ZNF609: variants seen among roughly 807,000 people sequenced by gnomAD.
ZNF609 encodes zinc finger protein 609.
Under a neutral mutation model 109.5 loss-of-function variants are expected in ZNF609, and 11 were observed. The observed-to-expected ratio is 0.10, with a 90% CI of 0.06 to 0.17. ZNF609 has a LOEUF of 0.17. ZNF609 is among the 10% of genes least tolerant of loss of function. The pLI is 1.00. For missense variants in ZNF609, 1,559 were observed against 1,772.4 expected, an observed-to-expected ratio of 0.88 and a Z score of 2.16; for synonymous variants, 646 against 662.0, an observed-to-expected ratio of 0.98 and a Z score of 0.37.
chr15:64,608,580 A>G (rs1895650898), intron 2 of ZNF609, among the ~76,000 whole-genome samples: 1 of 152,140 alleles, frequency 6.6e-6, no homozygotes, highest in African/African-American at 2.4e-5. Context: ...CATCACCAAA[A>G]AGATCTCTTG....
At chr15:64,648,381 A>G (rs966571393) in intron 3 of ZNF609, among the ~76,000 whole-genome samples, 33 of 152,140 alleles carry the variant, frequency 2.2e-4, no homozygotes, top group Admixed American at 9.2e-4. Context: ...AGTCCCAGCT[A>G]TTTGGGAGGC....
chr15:64,624,642 T>A (rs1195538855), intron 3 of ZNF609, among the ~76,000 whole-genome samples: 1 of 152,078 alleles, frequency 6.6e-6, no homozygotes. Flanking sequence ...GATCCCTTCC[T>A]GCCAGGGCAA....
chr15:64,561,570 T>TTTTTTA (rs1567014878), intron 2 of ZNF609, among the ~76,000 whole-genome samples: 2 of 148,242 alleles, frequency 1.3e-5, no homozygotes, highest in African/African-American at 5.0e-5. Context: ...TTTTTTTTTT[T>TTTTTTA]AAATGATTTA....
chr15:64,508,902 C>G (rs1162096143), intron 2 of ZNF609, among the ~76,000 whole-genome samples: 2 of 151,972 alleles, frequency 1.3e-5, no homozygotes, highest in African/African-American at 2.4e-5. Context: ...CTATGTTGTT[C>G]AGGCTAGTCT....
At chr15:64,655,786 G>A (rs1896480246) in intron 3 of ZNF609, among the ~76,000 whole-genome samples, 1 of 152,126 alleles carries the variant, frequency 6.6e-6, no homozygotes, top group African/African-American at 2.4e-5. Context: ...CTGAGATCAC[G>A]CCGTTGCACT....
intron 2 of ZNF609, among the ~76,000 whole-genome samples, chr15:64,566,970 A>T (rs1894786463): frequency 6.6e-6 from 1 of 152,194 alleles, no homozygotes; most frequent in Non-Finnish European, 1.5e-5. Context: ...CCTTTGTGAT[A>T]AGCATTGGGA....
intron 1 of ZNF609, among the ~76,000 whole-genome samples, chr15:64,498,357 G>T (rs1009446094): frequency 6.6e-6 from 1 of 152,014 alleles, no homozygotes; most frequent in Non-Finnish European, 1.5e-5. Flanking sequence ...GCCATAAATT[G>T]CACTTTTAAT....
At chr15:64,472,735 T>G (rs530381407) in intron 1 of ZNF609, among the ~76,000 whole-genome samples, 158 of 152,230 alleles carry the variant, frequency 1.0e-3, no homozygotes, top group African/African-American at 3.6e-3. Flanking sequence ...CACACTCCTG[T>G]AGTTCCAGCT....
chr15:64,475,850 G>A (rs570463635), intron 1 of ZNF609, among the ~76,000 whole-genome samples: 1 of 152,044 alleles, frequency 6.6e-6, no homozygotes, highest in Admixed American at 6.6e-5. Context: ...AATTGAATTA[G>A]AACTTGATTC....
At chr15:64,587,262 C>T (rs1040012995) in intron 2 of ZNF609, among the ~76,000 whole-genome samples, 1 of 152,102 alleles carries the variant, frequency 6.6e-6, no homozygotes, top group Non-Finnish European at 1.5e-5. Flanking sequence ...ATCTCAGTGT[C>T]GAAAGAGGTC....
intron 2 of ZNF609, among the ~76,000 whole-genome samples, chr15:64,604,270 T>A (rs1895558406): frequency 6.6e-6 from 1 of 152,206 alleles, no homozygotes; most frequent in Non-Finnish European, 1.5e-5. Flanking sequence ...GGAACCAAAT[T>A]AAGTTCTAAA....
chr15:64,587,588 T>G (rs904087036), intron 2 of ZNF609, among the ~76,000 whole-genome samples: 1 of 152,202 alleles, frequency 6.6e-6, no homozygotes, highest in African/African-American at 2.4e-5. Flanking sequence ...AAAGTGTTCA[T>G]TGATTATACT....
At chr15:64,569,141 A>G (rs746590012) in intron 2 of ZNF609, among the ~76,000 whole-genome samples, 2 of 152,182 alleles carry the variant, frequency 1.3e-5, no homozygotes, top group Non-Finnish European at 1.5e-5. Context: ...TTAAAATATC[A>G]TCTTCTCATT....
chr15:64,681,620 T>C (rs1166405788), intron 9 of ZNF609, 72 bp from the exon 10 acceptor site: 1 of 399,214 alleles, frequency 2.5e-6, no homozygotes, highest in Non-Finnish European at 4.5e-6. Context: ...ATTCATTTTC[T>C]TGGAGTGCCA....
chr15:64,529,330 C>A (rs137989755), intron 2 of ZNF609: 2 of 725,222 alleles, frequency 2.8e-6, no homozygotes, highest in Admixed American at 1.7e-5. Flanking sequence ...TTGGCTCCCC[C>A]CTGCAAGTGA....
intron 2 of ZNF609, among the ~76,000 whole-genome samples, chr15:64,574,852 A>G (rs138119409): frequency 9.8e-5 from 15 of 152,292 alleles, no homozygotes; most frequent in South Asian, 4.1e-4. Flanking sequence ...TCTTACTGCT[A>G]GGGATGGGTG....
intron 2 of ZNF609, among the ~76,000 whole-genome samples, chr15:64,563,958 A>T (rs1393472525): frequency 6.6e-6 from 1 of 152,000 alleles, no homozygotes; most frequent in South Asian, 2.1e-4. Flanking sequence ...ATCTCTGCTC[A>T]CTGCAGCCTC....
At chr15:64,631,483 T>A in intron 3 of ZNF609, 1 of 713,794 alleles carries the variant, frequency 1.4e-6, no homozygotes, top group Non-Finnish European at 2.6e-6. Flanking sequence ...CAATATCACC[T>A]TTCTTATAGA....
At position 64,674,046 on chromosome 15, in the gene ZNF609, A is replaced by C. The variant is rs748440991; in HGVS notation, c.1192A>C (p.Ser398Arg). 6.2e-7 allele frequency: 1 copy of C among 1,614,094 alleles called. No individual in the cohort carries two copies. ...TASDSKGTSNSSKTRAGANSK... is the reference protein window; with the variant it reads ...TASDSKGTSNRSKTRAGANSK... ...CTCTGACAGCAAAGGGACCAGTAAC[A>C]GCAGCAAAACCCGGGCAGGAGCCAA... Residue 398 changes from serine to arginine, a missense_variant, in exon 5 of 10, where the codon AGC (serine) becomes CGC (arginine). Physicochemically the swap from Ser to Arg is moderately radical, Grantham distance 110. Coordinates refer to ENST00000326648, the MANE Select transcript of ZNF609 (RefSeq NM_015042.2).
Sources: allele counts gnomAD v4.1 joint callset (sites outside exome capture counted in the v4.1 genomes callset), GRCh38; gene constraint gnomAD v4.1.1; transcripts MANE v1.5; gene names NCBI Gene and HGNC (gene_info 2026-07-23, HGNC 2026-07-21).